Variants in LDB1 observed in about 807,000 individuals in gnomAD.
The protein encoded by LDB1 is LIM domain binding 1.
Under a neutral mutation model 49.7 loss-of-function variants are expected in LDB1, and 6 were observed. That is an observed-to-expected ratio of 0.12 (90% CI 0.07 to 0.24). The LOEUF (loss-of-function observed/expected upper bound fraction) is 0.24, where lower values mean the gene tolerates loss of function less well. LDB1 is among the 10% of genes least tolerant of loss of function. LDB1 has a pLI of 1.00. For synonymous variants in LDB1, 233 were observed against 202.0 expected (o/e 1.15, Z -1.30); for missense variants, 341 against 561.7 (o/e 0.61, Z 3.97).
rs751950349 is a variant in LDB1 at position 102,108,272 on chromosome 10, C to T, written c.1057G>A (p.Glu353Lys). The change falls in exon 11 of 11, where the codon GAG becomes AAG. Residue 353 changes from glutamate (E) to lysine (K), a missense_variant. Glu to Lys is a moderately conservative substitution (Grantham distance 56). This residue lies in a region of LDB1 where 7 missense variants were observed against 44.2 expected (regional missense o/e 0.16). Transcript: ENST00000673968. ...AGCCGGGTGATGAGCCTCTCGTCCT[C>T]GTCCCCGAACTCCCCGCCCATCAGG... ...PTLMGGEFGDEDERLITRLEN... is the reference protein window; with the variant it reads ...PTLMGGEFGDKDERLITRLEN... 3 of 1,614,038 alleles carry T rather than the reference C, an allele frequency of 1.9e-6. No individual in the cohort carries two copies. Among genetic ancestry groups the T allele is most frequent in the Admixed American group, 3.3e-5 (2 of 60,012 alleles).
At chr10:102,104,709 C>A (rs1447347658), downstream of LDB1, among the ~76,000 whole-genome samples, 3 of 152,116 alleles carry the variant, frequency 2.0e-5, no homozygotes, top group Non-Finnish European at 4.4e-5. Flanking sequence ...CTACCTTTTC[C>A]CTTGACTATC....
chr10:102,111,072 T>C lies in LDB1; in HGVS notation c.246A>G (p.Thr82=), dbSNP rs2068245756. The change falls in exon 4 of 11, where the codon ACA becomes ACG. Residue 82 remains threonine, a synonymous_variant. Transcript: ENST00000673968. ...FELNKRLQNW[T]EECDNLWWDA... is the part of the protein sequence containing the mutation. The stretch of plus-strand genomic sequence containing the variant: ...GCCCCTTTTCCCTTGGCCATACCTC[T>C]GTCCAGTTCTGAAGCCGTTTGTTAA... 4 of 1,614,174 alleles carry C rather than the reference T, an allele frequency of 2.5e-6. No individual in the cohort carries two copies. The highest frequency in any genetic ancestry group is 3.4e-6 in the Non-Finnish European group (4 of 1,180,006).
intron 10 of LDB1, 56 bp downstream of exon 10, chr10:102,108,973 G>A (rs543195780): frequency 2.5e-5 from 41 of 1,610,332 alleles, no homozygotes; most frequent in Non-Finnish European, 3.4e-5. Context: ...CTTGGAAAGG[G>A]GTCAGGGGTG....
rs938626844 is a variant in LDB1, at chr10:102,111,278, T to A, written c.151A>T (p.Thr51Ser). 6.2e-7 allele frequency: 1 copy of A among 1,614,140 alleles called. No individual in the cohort carries two copies. Among genetic ancestry groups the A allele is most frequent in the African/African-American group, 1.3e-5 (1 of 75,038 alleles). Residue 51 changes from threonine (T) to serine (S), a missense_variant, in exon 3 of 11, where the codon ACA (threonine) becomes TCA (serine). Around this residue, in one of 5 missense-constraint regions of LDB1, gnomAD observed 48 missense variants for 43.9 expected, o/e 1.09. Transcript: ENST00000673968. ...TACCCAATCCCTGGCTCCAGGTATG[T>A]AGGCGGATACATGGGAGTTGGGCTG... ...DVGPTPMYPP[T>S]YLEPGIGRHT...
At position 102,108,216 on chromosome 10, in the gene LDB1, G is replaced by A. The variant is rs149742412; in HGVS notation, c.1113C>T (p.Gly371=). ...LENTQFDAAN[G]IDDEDSFNNS... ...TGTTAAAGCTGTCCTCGTCGTCAAT[G>A]CCGTTGGCTGCGTCAAACTGGGTGT... Residue 371 remains glycine, a synonymous_variant, in exon 11 of 11, where the codon GGC becomes GGT. Coordinates refer to ENST00000673968, the MANE Select transcript of LDB1 (RefSeq NM_001113407.3). The A allele has an allele frequency of 4.0e-4, 651 of 1,614,038 alleles. 2 individuals carry two copies. Among genetic ancestry groups the A allele is most frequent in the South Asian group, 8.1e-4 (74 of 91,078 alleles).
intron 1 of LDB1, among the ~76,000 whole-genome samples, chr10:102,118,590 C>A (rs1444700806): frequency 6.6e-6 from 1 of 152,230 alleles, no homozygotes; most frequent in African/African-American, 2.4e-5. Context: ...TACATACATA[C>A]CCGCTTACCC....
intron 1 of LDB1, chr10:102,114,391 G>A: frequency 1.0e-6 from 1 of 986,388 alleles, no homozygotes; most frequent in Non-Finnish European, 1.2e-6. Context: ...AGGCTCGCAG[G>A]GTGCCCAGAC....
At chr10:102,104,091 T>C (rs921537736), downstream of LDB1, among the ~76,000 whole-genome samples, 3 of 148,914 alleles carry the variant, frequency 2.0e-5, no homozygotes, top group African/African-American at 7.4e-5. Flanking sequence ...CAGGCTGGAC[T>C]GGGCTAAGGG....
At chr10:102,108,921 A>T in intron 10 of LDB1, 108 bp downstream of exon 10, 1 of 1,448,016 alleles carries the variant, frequency 6.9e-7, no homozygotes, top group Non-Finnish European at 9.7e-7. Flanking sequence ...AGAGTACATG[A>T]GAAAAACTGT....
At chr10:102,103,852 G>A (rs1347495211), downstream of LDB1, among the ~76,000 whole-genome samples, 1 of 151,832 alleles carries the variant, frequency 6.6e-6, no homozygotes, top group Non-Finnish European at 1.5e-5. Flanking sequence ...TCACTATATT[G>A]CCCAGGCTAG....
rs185397658 is a variant in LDB1, at chr10:102,110,448, C to T, written c.525+81G>A. The T allele has an allele frequency of 1.4e-4, 198 of 1,403,006 alleles. No individual in the cohort carries two copies. The African/African-American group carries it at 2.5e-3, about 18-fold the overall frequency. 86.9% of individuals were successfully genotyped at this position (1,403,006 alleles called of 1,614,324 possible). ...GTTCACATTATGCCTCCCTGGGGAA[C>T]AGCTGTGAGTATACACTGGGAGAGA... On this transcript the variant is annotated intron_variant, in intron 6 of 10. Coordinates refer to ENST00000673968, the MANE Select transcript of LDB1 (RefSeq NM_001113407.3).
At chr10:102,102,204 C>T (rs145643419), downstream of LDB1, among the ~76,000 whole-genome samples, 133 of 152,306 alleles carry the variant, frequency 8.7e-4, 1 homozygote, top group South Asian at 0.014. Context: ...GGATTACAGG[C>T]GTAAGCCACC....
chr10:102,108,902 C>T (rs1176173175), intron 10 of LDB1, 127 bp downstream of exon 10: 1 of 1,256,850 alleles, frequency 8.0e-7, no homozygotes, highest in Admixed American at 1.7e-5. Context: ...GCAGTTAGCC[C>T]ATGCTGGCAG....
chr10:102,120,022 G>C, intron 1 of LDB1, 64 bp downstream of exon 1: 4 of 1,289,632 alleles, frequency 3.1e-6, no homozygotes, highest in South Asian at 1.5e-5. Context: ...CGCCAAACAC[G>C]GGGTGAGGGG....
intron 1 of LDB1, among the ~76,000 whole-genome samples, chr10:102,119,847 CA>C (rs925197682): frequency 1.3e-5 from 2 of 151,146 alleles, no homozygotes; most frequent in Admixed American, 6.6e-5. Context: ...AGCCTACCCC[CA>C]AAAAAACATA....
intron 1 of LDB1, among the ~76,000 whole-genome samples, chr10:102,115,549 C>T (rs1190700582): frequency 6.6e-5 from 10 of 152,030 alleles, no homozygotes; most frequent in Admixed American, 6.6e-4. Flanking sequence ...TGCCCCCAAC[C>T]CAGCTAAATT....
chr10:102,119,979 C>T lies in LDB1; in HGVS notation c.25+107G>A, dbSNP rs907463571. ...CGTAGCCCTTCCAGCCCCCGGCTTC[C>T]CCCATGCCATCGACGCCCCCCACAC... On this transcript the variant is annotated intron_variant, in intron 1 of 10. Transcript: ENST00000673968. 13 of 853,980 alleles carry T rather than the reference C, an allele frequency of 1.5e-5. No homozygotes were observed. In the African/African-American group the frequency reaches 2.3e-4, roughly 15 times the overall value. The allele number at this position is 853,980 out of a possible 1,614,324, so 52.9% of individuals were successfully genotyped here. A position where few individuals can be genotyped will look rare whatever the true frequency, so the allele number is the denominator to read the frequency against.
chr10:102,117,163 C>G lies in LDB1; in HGVS notation c.25+2923G>C, dbSNP rs560290171. ...TCTGGCTTTTGCCTCCAGCCCAGAG[C>G]TCAGAACCCCACACCCACCCTGTCT... On this transcript the variant is annotated intron_variant, in intron 1 of 10. Transcript: ENST00000673968. The surrounding 1 kb of genome is among the most constrained non-coding windows in gnomAD (Gnocchi z 4.2). 1.5e-4 allele frequency among the ~76,000 whole-genome samples: 23 copies of G among 152,314 alleles called. No homozygotes were observed. In the South Asian group the frequency reaches 4.8e-3, roughly 32 times the overall value.
intron 1 of LDB1, chr10:102,114,602 G>A (rs1442605521): frequency 5.1e-6 from 5 of 985,278 alleles, no homozygotes; most frequent in Non-Finnish European, 6.0e-6. Flanking sequence ...CCCCGCGGCG[G>A]CCGCTGTCCC....
Sources: allele counts gnomAD v4.1 joint callset (sites outside exome capture counted in the v4.1 genomes callset), GRCh38; gene constraint gnomAD v4.1.1; regional missense constraint gnomAD v4.1.1; non-coding constraint Gnocchi (gnomAD v3.1); transcripts MANE v1.5; gene names NCBI Gene and HGNC (gene_info 2026-07-23, HGNC 2026-07-21).